Variants in NEMP2 observed in about 807,000 individuals in gnomAD.
NEMP2 encodes nuclear envelope integral membrane protein 2.
A neutral mutation model predicts 54.2 loss-of-function variants in NEMP2; 53 were observed. The observed-to-expected ratio is 0.98, with a 90% CI of 0.78 to 1.23. The LOEUF (loss-of-function observed/expected upper bound fraction) is 1.23, where lower values mean the gene tolerates loss of function less well. NEMP2 is among the 50% of genes most tolerant of loss of function. NEMP2 has a pLI of 0.00. For missense variants in NEMP2, 455 were observed against 511.3 expected (o/e 0.89, Z 1.06); for synonymous variants, 197 against 190.3 (o/e 1.04, Z -0.29).
chr2:190,571,549 TATAATA>T, the NEMP2 span, among the ~76,000 whole-genome samples: 4 of 149,830 alleles, frequency 2.7e-5, no homozygotes, highest in African/African-American at 4.9e-5. Flanking sequence ...TCTCAAAAAA[TATAATA>T]ATAATAATAA....
chr2:190,583,025 C>A, the NEMP2 span, among the ~76,000 whole-genome samples: 1 of 152,114 alleles, frequency 6.6e-6, no homozygotes, highest in Non-Finnish European at 1.5e-5. Flanking sequence ...TGCTGCTTGG[C>A]TAGATGTGAT....
At chr2:190,434,461 G>C in the NEMP2 span, among the ~76,000 whole-genome samples, 1 of 152,012 alleles carries the variant, frequency 6.6e-6, no homozygotes, top group Non-Finnish European at 1.5e-5. The surrounding 1 kb of genome is among the most constrained non-coding windows in gnomAD (Gnocchi z 4.3). Flanking sequence ...TTTTGAGACG[G>C]AGTCTCGCTC....
In NEMP2 at chr2:190,520,198, GTT is replaced by G. The variant is rs1235601548; in HGVS notation, c.214-1017_214-1016del. Among the ~76,000 whole-genome samples, 1 of 151,888 alleles carries G rather than the reference GTT, an allele frequency of 6.6e-6. No homozygotes were observed. Among genetic ancestry groups the G allele is most frequent in the Non-Finnish European group, 1.5e-5 (1 of 67,980 alleles). On this transcript the variant is annotated intron_variant, in intron 2 of 8. Transcript: ENST00000409150. The surrounding 1 kb of genome is among the most constrained non-coding windows in gnomAD (Gnocchi z 5.4). ...TGAGTAGGCATAGTTTGAAAATAGG[GTT>G]TATATTTACACCATTTTCTACTATG...
the NEMP2 span, among the ~76,000 whole-genome samples, chr2:190,592,110 C>T: frequency 6.6e-6 from 1 of 152,112 alleles, no homozygotes; most frequent in Non-Finnish European, 1.5e-5. The surrounding 1 kb of genome is among the most constrained non-coding windows in gnomAD (Gnocchi z 4.4). Context: ...GAGGCTCAGA[C>T]CCCTCCCCCA....
At chr2:190,624,800 G>C in the NEMP2 span, 1 of 152,158 alleles carries the variant, frequency 6.6e-6, no homozygotes, top group Non-Finnish European at 1.5e-5. Flanking sequence ...CCAGAGGCTG[G>C]GAATAGTAGG....
In NEMP2 at chr2:190,506,400, A is replaced by G. The variant is rs955662348; in HGVS notation, c.*2789T>C. ...CTCTCACTCTGGGAAACAATCACAC[A>G]TAGCATAATGTAAGAGAGCATTTCT... On this transcript the variant is annotated 3_prime_UTR_variant, in exon 9 of 9. Transcript: ENST00000409150. The surrounding 1 kb of genome is among the most constrained non-coding windows in gnomAD (Gnocchi z 6.3). The G allele has an allele frequency of 3.3e-5, 5 of 152,360 alleles. No individual in the cohort carries two copies. In the East Asian group the frequency reaches 7.7e-4, roughly 23 times the overall value. 9.4% of individuals were successfully genotyped at this position (152,360 alleles called of 1,614,324 possible). A position where few individuals can be genotyped will look rare whatever the true frequency, so the allele number is the denominator to read the frequency against.
chr2:190,610,415 T>C, the NEMP2 span: 1 of 152,218 alleles, frequency 6.6e-6, no homozygotes, highest in Admixed American at 6.5e-5. This position sits in a 1 kb window ranked among gnomAD's most constrained non-coding sequence, Gnocchi z 5.4. Flanking sequence ...CCAAGATAAC[T>C]TGGGGTTCCT....
upstream of NEMP2, among the ~76,000 whole-genome samples, chr2:190,536,813 G>A (rs1010071995): frequency 1.3e-5 from 2 of 152,212 alleles, no homozygotes; most frequent in African/African-American, 4.8e-5. Flanking sequence ...GTGGTACAGA[G>A]TGAAGGCAAG....
At chr2:190,643,306 C>G in the NEMP2 span, among the ~76,000 whole-genome samples, 1 of 152,068 alleles carries the variant, frequency 6.6e-6, no homozygotes, top group Non-Finnish European at 1.5e-5. Context: ...AAAGCAGAAG[C>G]TACTGAGGGA....
the NEMP2 span, among the ~76,000 whole-genome samples, chr2:190,573,287 G>A: frequency 1.3e-5 from 2 of 152,118 alleles, no homozygotes; most frequent in African/African-American, 4.8e-5. Flanking sequence ...CATTAAGGCT[G>A]TTGACAAATA....
chr2:190,585,231 G>A, the NEMP2 span, among the ~76,000 whole-genome samples: 1 of 152,110 alleles, frequency 6.6e-6, no homozygotes, highest in Non-Finnish European at 1.5e-5. The surrounding 1 kb of genome is among the most constrained non-coding windows in gnomAD (Gnocchi z 5.3). Flanking sequence ...TTATATTTGT[G>A]GACTATGCAA....
chr2:190,592,564 T>C, the NEMP2 span, among the ~76,000 whole-genome samples: 1 of 152,204 alleles, frequency 6.6e-6, no homozygotes, highest in Non-Finnish European at 1.5e-5. This position sits in a 1 kb window ranked among gnomAD's most constrained non-coding sequence, Gnocchi z 4.4. Context: ...TCTTTTTTTA[T>C]CTTCACAAAA....
chr2:190,428,014 G>A, the NEMP2 span, among the ~76,000 whole-genome samples: 1 of 152,202 alleles, frequency 6.6e-6, no homozygotes, highest in South Asian at 2.1e-4. Flanking sequence ...TTACAGGCGT[G>A]AGCCACTGTG....
chr2:190,430,322 C>A, the NEMP2 span, among the ~76,000 whole-genome samples: 7 of 150,230 alleles, frequency 4.7e-5, no homozygotes, highest in African/African-American at 1.7e-4. Flanking sequence ...GAACAAAGAT[C>A]TCTGGTTTTC....
chr2:190,564,368 T>C, the NEMP2 span, among the ~76,000 whole-genome samples: 1 of 152,246 alleles, frequency 6.6e-6, no homozygotes, highest in Non-Finnish European at 1.5e-5. This position sits in a 1 kb window ranked among gnomAD's most constrained non-coding sequence, Gnocchi z 4.2. Context: ...GGCTGGAAAC[T>C]TGCTTCAGAT....
the NEMP2 span, among the ~76,000 whole-genome samples, chr2:190,630,763 T>C: frequency 6.6e-6 from 1 of 152,220 alleles, no homozygotes; most frequent in South Asian, 2.1e-4. The surrounding 1 kb of genome is among the most constrained non-coding windows in gnomAD (Gnocchi z 5.5). Context: ...GAAGTTTATA[T>C]ACTTTATTTT....
chr2:190,550,638 C>A, the NEMP2 span, among the ~76,000 whole-genome samples: 2 of 152,242 alleles, frequency 1.3e-5, no homozygotes, highest in South Asian at 4.1e-4. The surrounding 1 kb of genome is among the most constrained non-coding windows in gnomAD (Gnocchi z 4.7). Flanking sequence ...CATATCATCT[C>A]CCTTCTCTAT....
the NEMP2 span, among the ~76,000 whole-genome samples, chr2:190,560,953 G>A: frequency 6.6e-6 from 1 of 152,270 alleles, no homozygotes; most frequent in South Asian, 2.1e-4. The surrounding 1 kb of genome is among the most constrained non-coding windows in gnomAD (Gnocchi z 5.4). Context: ...TCTAACATCA[G>A]AAATCAAAAC....
chr2:190,625,235 T>A, the NEMP2 span: 1 of 152,214 alleles, frequency 6.6e-6, no homozygotes, highest in African/African-American at 2.4e-5. Flanking sequence ...GAGTGTGTTA[T>A]AGCCATACGA....
Sources: gnomAD v4.1 joint callset for allele counts (sites outside exome capture counted in the v4.1 genomes callset) on GRCh38, gnomAD v4.1.1 for gene constraint, Gnocchi (gnomAD v3.1) non-coding constraint, MANE v1.5 for transcripts, NCBI Gene and HGNC (gene_info 2026-07-23, HGNC 2026-07-21) for gene names.